The following FRK variants were observed in gnomAD, a reference collection of about 807,000 sequenced individuals.
FRK encodes tyrosine-protein kinase FRK.
Under a neutral mutation model 56.4 loss-of-function variants are expected in FRK, and 51 were observed. The observed-to-expected ratio is 0.90, with a 90% CI of 0.72 to 1.14. The LOEUF (loss-of-function observed/expected upper bound fraction) is 1.14, where lower values mean the gene tolerates loss of function less well. FRK is among the 50% of genes most tolerant of loss of function. The pLI, the probability that FRK is intolerant of heterozygous loss-of-function variation, is 0.00. For synonymous variants in FRK, 245 were observed against 217.9 expected (o/e 1.12, Z -1.10); for missense variants, 570 against 601.4 (o/e 0.95, Z 0.55).
Position 115,967,558 on chromosome 6 carries a change from T to G in FRK, c.792A>C (p.Leu264Phe). 1 of 1,612,906 alleles carries G rather than the reference T, an allele frequency of 6.2e-7. No individual in the cohort carries two copies. The highest frequency in any genetic ancestry group is 8.5e-7 in the Non-Finnish European group (1 of 1,179,456). ...NNTTPVAVKT[L>F]KPGSMDPNDF... Reference sequence around the variant, plus strand: ...CCTTTATTGTTCTCGCACCTGGTTTTAATGTTTTCACTGCTACTGGAGTGG... The same window carrying G: ...CCTTTATTGTTCTCGCACCTGGTTTGAATGTTTTCACTGCTACTGGAGTGG... Residue 264 changes from leucine (L) to phenylalanine (F), a missense_variant, in exon 4 of 8, where the codon TTA becomes TTC. By Grantham distance (22) the Leu-to-Phe change is conservative. Transcript: ENST00000606080.
chr6:115,959,151 G>C (rs1284513144), intron 4 of FRK, among the ~76,000 whole-genome samples: 1 of 152,066 alleles, frequency 6.6e-6, no homozygotes, highest in Non-Finnish European at 1.5e-5. Context: ...TTCATTTCAG[G>C]CTCATCTTTA....
At chr6:116,002,772 T>A (rs1775111470) in intron 2 of FRK, 2 of 451,072 alleles carry the variant, frequency 4.4e-6, no homozygotes, top group South Asian at 3.1e-5. Context: ...AGTCAGGACC[T>A]GAAGTACGGA....
At chr6:116,021,942 T>C (rs1775886285) in intron 1 of FRK, among the ~76,000 whole-genome samples, 1 of 151,702 alleles carries the variant, frequency 6.6e-6, no homozygotes, top group Admixed American at 6.6e-5. Context: ...ACAAGATTGT[T>C]CAAGAAAAAA....
chr6:115,945,879 G>A (rs938218925), intron 5 of FRK, among the ~76,000 whole-genome samples: 2 of 152,122 alleles, frequency 1.3e-5, no homozygotes, highest in East Asian at 3.9e-4. Context: ...AATTTATATA[G>A]TACAATCAGT....
chr6:115,958,647 A>G (rs200416218), intron 4 of FRK, among the ~76,000 whole-genome samples: 7 of 2,056 alleles, frequency 3.4e-3, no homozygotes, highest in African/African-American at 9.3e-3. Flanking sequence ...AAGAAAGAAA[A>G]GAAAGAAAGA....
At chr6:115,967,089 GA>G (rs111522120) in intron 4 of FRK, among the ~76,000 whole-genome samples, 2 of 152,142 alleles carry the variant, frequency 1.3e-5, no homozygotes, top group African/African-American at 2.4e-5. Flanking sequence ...AGATGGAAGG[GA>G]AAAAAAGTTC....
chr6:115,949,488 C>T (rs919307899), intron 5 of FRK, among the ~76,000 whole-genome samples: 8 of 151,948 alleles, frequency 5.3e-5, no homozygotes, highest in Non-Finnish European at 1.5e-5. Flanking sequence ...GTGTTAAGGA[C>T]CTCTTTAAAG....
chr6:116,032,841 T>C (rs1582736578), intron 1 of FRK, among the ~76,000 whole-genome samples: 1 of 152,050 alleles, frequency 6.6e-6, no homozygotes, highest in Non-Finnish European at 1.5e-5. Context: ...ATATATTGCA[T>C]TCAATTCATT....
intron 1 of FRK, among the ~76,000 whole-genome samples, chr6:116,032,440 T>C (rs1171108862): frequency 6.6e-6 from 1 of 152,010 alleles, no homozygotes; most frequent in Non-Finnish European, 1.5e-5. Flanking sequence ...GAAGGAGTGA[T>C]CATTACAGAA....
chr6:116,045,211 T>A (rs574702021), intron 1 of FRK, among the ~76,000 whole-genome samples: 1 of 152,292 alleles, frequency 6.6e-6, no homozygotes, highest in South Asian at 2.1e-4. Context: ...CTGACTTTCT[T>A]CTCAGAATTA....
chr6:116,079,675 T>C, the FRK span, among the ~76,000 whole-genome samples: 1 of 152,106 alleles, frequency 6.6e-6, no homozygotes, highest in Non-Finnish European at 1.5e-5. Context: ...ACTGCAGCCT[T>C]GACCTTCTGG....
chr6:116,042,606 A>T (rs1462201558), intron 1 of FRK, among the ~76,000 whole-genome samples: 1 of 152,194 alleles, frequency 6.6e-6, no homozygotes, highest in African/African-American at 2.4e-5. Flanking sequence ...GGACAGGAAA[A>T]ACGGGTTTCA....
At chr6:116,024,600 A>C (rs1329841319) in intron 1 of FRK, among the ~76,000 whole-genome samples, 1 of 151,798 alleles carries the variant, frequency 6.6e-6, no homozygotes, top group Non-Finnish European at 1.5e-5. Context: ...TGAACTCATC[A>C]TTTTTTATGG....
intron 2 of FRK, among the ~76,000 whole-genome samples, chr6:115,969,180 C>G (rs1773706654): frequency 6.6e-6 from 1 of 152,096 alleles, no homozygotes; most frequent in African/African-American, 2.4e-5. Context: ...CCATGAAATC[C>G]TATAATGTGG....
At position 115,940,739 on chromosome 6, in the gene FRK, T is replaced by C. The variant is rs1215352756; in HGVS notation, c.*1675A>G. 6.6e-6 allele frequency: 1 copy of C among 152,168 alleles called. No homozygotes were observed. Among genetic ancestry groups the C allele is most frequent in the Non-Finnish European group, 1.5e-5 (1 of 68,034 alleles). 9.4% of individuals were successfully genotyped at this position (152,168 alleles called of 1,614,324 possible). On this transcript the variant is annotated 3_prime_UTR_variant, in exon 8 of 8. Transcript: ENST00000606080. Reference sequence around the variant, plus strand: ...CAGACATATGAAAAAAAGCTCATCATCTGATCATTAGAGAAATCCAAATCA... The same window carrying C: ...CAGACATATGAAAAAAAGCTCATCACCTGATCATTAGAGAAATCCAAATCA...
At chr6:116,082,009 G>C in the FRK span, among the ~76,000 whole-genome samples, 1 of 152,174 alleles carries the variant, frequency 6.6e-6, no homozygotes, top group South Asian at 2.1e-4. Flanking sequence ...AAGATAAATG[G>C]TGTGTGGGAA....
chr6:116,068,992 G>T, the FRK span, among the ~76,000 whole-genome samples: 1 of 152,152 alleles, frequency 6.6e-6, no homozygotes, highest in Non-Finnish European at 1.5e-5. Context: ...CAAAAAGACT[G>T]AATATTCTTG....
At position 115,934,113 on chromosome 6, in the gene FRK, TGATAGATGGGTG is replaced by T. The variant is rs1416581845; in HGVS notation, c.*8289_*8300del. 6 of 152,142 alleles carry T rather than the reference TGATAGATGGGTG, an allele frequency of 3.9e-5. No individual in the cohort carries two copies. The East Asian group carries it at 1.2e-3, about 29-fold the overall frequency. The allele number at this position is 152,142 out of a possible 1,614,324, so 9.4% of individuals were successfully genotyped here. ...AAGGAGGGAGATGAGGTGATGATGA[TGATAGATGGGTG>T]GATAGATAAATACAGAGATAGATAA... On this transcript the variant is annotated 3_prime_UTR_variant, in exon 8 of 8. Transcript: ENST00000606080.
chr6:115,996,993 A>T (rs1774867138), intron 2 of FRK, among the ~76,000 whole-genome samples: 1 of 152,194 alleles, frequency 6.6e-6, no homozygotes, highest in Non-Finnish European at 1.5e-5. Context: ...AATATTTACA[A>T]AGTTACAAAT....
Sources: gnomAD v4.1 joint callset for allele counts (sites outside exome capture counted in the v4.1 genomes callset) on GRCh38, gnomAD v4.1.1 for gene constraint, MANE v1.5 for transcripts, NCBI Gene and HGNC (gene_info 2026-07-23, HGNC 2026-07-21) for gene names.